Variants in IL1RAP observed in about 807,000 individuals in gnomAD.
The protein encoded by IL1RAP is interleukin 1 receptor accessory protein.
In IL1RAP, 35 loss-of-function variants were observed where a neutral mutation model predicts 60.7. That is an observed-to-expected ratio of 0.58 (90% CI 0.44 to 0.76). The LOEUF (loss-of-function observed/expected upper bound fraction) is 0.76. Among genes scored for constraint, IL1RAP ranks in the 30% least tolerant of loss-of-function variants. The probability of loss-of-function intolerance (pLI) is 0.00; values close to 1 mark genes in which losing one functional copy is unlikely to be tolerated. For missense variants in IL1RAP, 572 were observed against 693.9 expected (o/e 0.82, Z 1.97); for synonymous variants, 268 against 250.9 (o/e 1.07, Z -0.64).
At chr3:190,627,801 T>A (rs1408581912) in intron 8 of IL1RAP, among the ~76,000 whole-genome samples, 1 of 152,182 alleles carries the variant, frequency 6.6e-6, no homozygotes, top group Non-Finnish European at 1.5e-5. Flanking sequence ...CTTACATGAA[T>A]AAAAAGGTCA....
chr3:190,571,105 A>C (rs1726884354), intron 3 of IL1RAP, among the ~76,000 whole-genome samples: 1 of 152,168 alleles, frequency 6.6e-6, no homozygotes, highest in Non-Finnish European at 1.5e-5. Flanking sequence ...AAAAGAAAAC[A>C]GGCACATCGA....
At chr3:190,562,071 T>C (rs1021353553) in intron 2 of IL1RAP, among the ~76,000 whole-genome samples, 11 of 152,194 alleles carry the variant, frequency 7.2e-5, no homozygotes, top group African/African-American at 2.7e-4. Context: ...TCCAACAAAA[T>C]CTTCTGTAGT....
chr3:190,606,362 C>CT (rs1054392189), intron 4 of IL1RAP, among the ~76,000 whole-genome samples: 3 of 152,190 alleles, frequency 2.0e-5, no homozygotes, highest in African/African-American at 7.2e-5. Flanking sequence ...TGTCTGAGAG[C>CT]TGTGGTATCT....
chr3:190,519,739 A>G (rs577858900), intron 1 of IL1RAP, among the ~76,000 whole-genome samples: 1 of 152,062 alleles, frequency 6.6e-6, no homozygotes, highest in East Asian at 1.9e-4. Context: ...AACATCTTCT[A>G]TCTCTATTGT....
intron 9 of IL1RAP, chr3:190,629,807 G>A (rs2108819254): frequency 9.6e-7 from 1 of 1,040,540 alleles, no homozygotes; most frequent in East Asian, 7.4e-5. Context: ...AATATTCAAA[G>A]CTACCAAAGA....
chr3:190,581,329 T>C (rs919792570), intron 3 of IL1RAP, among the ~76,000 whole-genome samples: 1 of 152,182 alleles, frequency 6.6e-6, no homozygotes, highest in African/African-American at 2.4e-5. Context: ...AGTGAGAGAA[T>C]GAATCTAAAG....
intron 1 of IL1RAP, among the ~76,000 whole-genome samples, chr3:190,552,206 C>T (rs1005939842): frequency 1.3e-5 from 2 of 152,126 alleles, no homozygotes; most frequent in Non-Finnish European, 2.9e-5. Context: ...AATTATTTTA[C>T]AAAAATGATG....
chr3:190,519,496 C>T (rs889983159), intron 1 of IL1RAP, among the ~76,000 whole-genome samples: 8 of 152,102 alleles, frequency 5.3e-5, no homozygotes, highest in African/African-American at 1.7e-4. Flanking sequence ...TTGGAACCTG[C>T]GTGTGCCTGA....
chr3:190,576,062 GA>G (rs35755755), intron 3 of IL1RAP, among the ~76,000 whole-genome samples: 78,062 of 150,596 alleles, frequency 0.52, 20,962 homozygotes, highest in East Asian at 0.94. Flanking sequence ...ATAATTTTTA[GA>G]AAAAAAAAAT....
intron 9 of IL1RAP, among the ~76,000 whole-genome samples, chr3:190,632,347 A>G (rs561336476): frequency 6.6e-6 from 1 of 152,300 alleles, no homozygotes; most frequent in South Asian, 2.1e-4. Context: ...ATTGGATACT[A>G]ATGATGTTGG....
intron 1 of IL1RAP, among the ~76,000 whole-genome samples, chr3:190,553,216 C>A (rs141629364): frequency 1.4e-4 from 22 of 152,270 alleles, no homozygotes; most frequent in Non-Finnish European, 2.2e-4. Flanking sequence ...ATTTTACAGA[C>A]CATACAGAAA....
chr3:190,620,261 T>G lies in IL1RAP; in HGVS notation c.538-14T>G. The G allele has an allele frequency of 2.0e-6, 3 of 1,480,614 alleles. 1 individual carries two copies. Among genetic ancestry groups the G allele is most frequent in the Non-Finnish European group, 2.7e-6 (3 of 1,092,914 alleles). The allele number at this position is 1,480,614 out of a possible 1,614,324, so 91.7% of individuals were successfully genotyped here. A position where few individuals can be genotyped will look rare whatever the true frequency, so the allele number is the denominator to read the frequency against. ...ATCTAAAAAGTAAACTTTTTTTTTT[T>G]TTACTTTTTCTAGGGCTGTTATAAA... On this transcript the variant is annotated splice_polypyrimidine_tract_variant and intron_variant, in intron 5 of 11. Transcript: ENST00000447382.
At chr3:190,657,677 C>G (rs536764176) in exon 12 of IL1RAP, 2 of 152,172 alleles carry the variant, frequency 1.3e-5, no homozygotes, top group African/African-American at 4.8e-5. Flanking sequence ...TTTTCATAAA[C>G]TCATATAAGG....
chr3:190,639,141 C>G (rs1270641065), intron 9 of IL1RAP, among the ~76,000 whole-genome samples: 5 of 152,042 alleles, frequency 3.3e-5, no homozygotes, highest in African/African-American at 4.8e-5. Flanking sequence ...TATTAAACTT[C>G]TCAGTTCTAT....
chr3:190,527,608 A>G (rs1722616961), intron 1 of IL1RAP, among the ~76,000 whole-genome samples: 1 of 151,808 alleles, frequency 6.6e-6, no homozygotes, highest in African/African-American at 2.4e-5. Context: ...AGAAGCTGGT[A>G]CCAATGAGCT....
intron 7 of IL1RAP, among the ~76,000 whole-genome samples, chr3:190,625,626 T>C (rs1179808568): frequency 6.6e-6 from 1 of 152,192 alleles, no homozygotes; most frequent in East Asian, 1.9e-4. Flanking sequence ...ATGTTATGTA[T>C]GTTGACAGAG....
intron 1 of IL1RAP, among the ~76,000 whole-genome samples, chr3:190,535,617 G>A (rs1221387472): frequency 1.3e-5 from 2 of 152,124 alleles, no homozygotes; most frequent in African/African-American, 4.8e-5. Flanking sequence ...ATTTCTTAAG[G>A]TAAATCTTCA....
intron 1 of IL1RAP, among the ~76,000 whole-genome samples, chr3:190,523,666 G>C (rs1722270668): frequency 6.6e-6 from 1 of 152,094 alleles, no homozygotes; most frequent in Non-Finnish European, 1.5e-5. Context: ...ATGGTCCCCA[G>C]CTCTATCCAT....
intron 3 of IL1RAP, among the ~76,000 whole-genome samples, chr3:190,572,862 T>TTTTTTTTG (rs1727065755): frequency 3.7e-5 from 1 of 26,736 alleles, no homozygotes; most frequent in African/African-American, 2.1e-4. Context: ...ATGCTTTGTT[T>TTTTTTTTG]TTTTTTTTTT....
Sources: allele counts gnomAD v4.1 joint callset (sites outside exome capture counted in the v4.1 genomes callset), GRCh38; gene constraint gnomAD v4.1.1; transcripts MANE v1.5; gene names NCBI Gene and HGNC (gene_info 2026-07-23, HGNC 2026-07-21).